CPSF1: variants seen among roughly 807,000 people sequenced by gnomAD.
CPSF1 encodes the protein cleavage and polyadenylation specific factor 1, also known as cleavage and polyadenylation specificity factor subunit 1.
Under a neutral mutation model 175.8 loss-of-function variants are expected in CPSF1, and 106 were observed. The ratio of observed to expected loss-of-function variants is 0.60; its 90% CI spans 0.52 to 0.71. The LOEUF (loss-of-function observed/expected upper bound fraction) is 0.71, where lower values mean the gene tolerates loss of function less well. Among genes scored for constraint, CPSF1 ranks in the 30% least tolerant of loss-of-function variants. CPSF1 has a pLI of 0.00. For synonymous variants in CPSF1, 1,024 were observed against 858.3 expected (o/e 1.19, Z -3.37); for missense variants, 1,734 against 2,022.9 (o/e 0.86, Z 2.74).
chr8:144,396,310 G>C, intron 26 of CPSF1, 38 bp downstream of exon 26: 1 of 1,558,090 alleles, frequency 6.4e-7, no homozygotes. Flanking sequence ...AGCTGGGGCA[G>C]CATCAGCCAG....
chr8:144,405,051 A>G (rs1821420509), intron 2 of CPSF1, among the ~76,000 whole-genome samples: 1 of 104,338 alleles, frequency 9.6e-6, no homozygotes, highest in African/African-American at 3.8e-5. Context: ...TCTAAAAAAA[A>G]AAAGAGAAAG....
chr8:144,396,314 C>T, intron 26 of CPSF1, 34 bp downstream of exon 26: 2 of 1,562,208 alleles, frequency 1.3e-6, no homozygotes, highest in Non-Finnish European at 1.7e-6. Flanking sequence ...GGGGCAGCAT[C>T]AGCCAGTGCT....
chr8:144,407,682 C>T (rs782180948), intron 2 of CPSF1, among the ~76,000 whole-genome samples: 1 of 151,954 alleles, frequency 6.6e-6, no homozygotes, highest in Admixed American at 6.6e-5. Flanking sequence ...CTGAGTGACA[C>T]AGCAAGACTC....
Position 144,399,417 on chromosome 8 carries a change from G to A in CPSF1, c.1294+35C>T, listed in dbSNP as rs2116862385. ...CTTGAGCGCAGCCCTGGGTCACCTG[G>A]CCCCGCTCCTGACCAGCCCTGGACC... On this transcript the variant is annotated intron_variant, in intron 13 of 37. Coordinates refer to ENST00000616140, the MANE Select transcript of CPSF1 (RefSeq NM_013291.3). This position sits in a 1 kb window ranked among gnomAD's most constrained non-coding sequence, Gnocchi z 6.4. 3.7e-6 allele frequency: 6 copies of A among 1,612,774 alleles called. No homozygotes were observed. The highest frequency in any genetic ancestry group is 2.2e-5 in the South Asian group (2 of 91,036).
At chr8:144,400,135 G>GGGGGGGCCCCCCCCCCCCCCCCC in intron 9 of CPSF1, 31 bp downstream of exon 9, 12 of 895,980 alleles carry the variant, frequency 1.3e-5, no homozygotes, top group Non-Finnish European at 1.8e-5. Flanking sequence ...CCGTCCCCGG[G>GGGGGGGCCCCCCCCCCCCCCCCC]CCCCCCCCGC....
In CPSF1 at chr8:144,393,335, C is replaced by T. The variant is rs1554861915; in HGVS notation, c.4315G>A (p.Val1439Ile). 8.7e-6 allele frequency: 13 copies of T among 1,493,774 alleles called. No homozygotes were observed. The highest frequency in any genetic ancestry group is 8.0e-5 in the South Asian group (6 of 75,172). The allele number at this position is 1,493,774 out of a possible 1,614,324, so 92.5% of individuals were successfully genotyped here. Residue 1439 changes from valine (V) to isoleucine (I), a missense_variant, in exon 38 of 38, where the codon GTC becomes ATC. Around this residue, in one of 10 missense-constraint regions of CPSF1, gnomAD observed 323 missense variants for 338.5 expected, o/e 0.95. Transcript: ENST00000616140. ...ILDDLLETDR[V>I]TAHF ...CCACGGGGCTAGAAGTGGGCGGTGA[C>T]GCGGTCCGTCTCCAGCAAGTCGTCC...
Position 144,400,293 on chromosome 8 carries a change from G to A in CPSF1, c.827-17C>T. 1 of 1,608,908 alleles carries A rather than the reference G, an allele frequency of 6.2e-7. No individual in the cohort carries two copies. The highest frequency in any genetic ancestry group is 1.1e-5 in the South Asian group (1 of 91,000). On this transcript the variant is annotated splice_polypyrimidine_tract_variant and intron_variant, in intron 8 of 37. Transcript: ENST00000616140. ...CCACCCCACCTGGAGGTGGACACAG[G>A]CTGGTGGGCAGGCTCAGTGCTCTCT...
Position 144,395,326 on chromosome 8 carries a change from CGTGTTG to C in CPSF1, c.3120_3125del (p.Asn1041_Thr1042del), listed in dbSNP as rs1329316720. 6.2e-7 allele frequency: 1 copy of C among 1,612,404 alleles called. No homozygotes were observed. The highest frequency in any genetic ancestry group is 8.5e-7 in the Non-Finnish European group (1 of 1,179,800). On this transcript the variant is annotated inframe_deletion, in exon 28 of 38. Transcript: ENST00000616140. ...TCATGCGTGGGATGCGGGCACACGG[CGTGTTG>C]GTGCTGGTGGCCACAGCATACACCT...
chr8:144,400,652 G>T lies in CPSF1; in HGVS notation c.686+19C>A. ...GCTAGGGGGCCCACAGTGCAGAGGG[G>T]CCTCCTTAGGGGGCTCACCCAGGCC... On this transcript the variant is annotated intron_variant, in intron 7 of 37. Transcript: ENST00000616140. 1 of 1,600,702 alleles carries T rather than the reference G, an allele frequency of 6.2e-7. No individual in the cohort carries two copies. Among genetic ancestry groups the T allele is most frequent in the African/African-American group, 1.3e-5 (1 of 74,924 alleles).
At chr8:144,401,400 C>T (rs2116884243) in intron 4 of CPSF1, 30 bp downstream of exon 4, 6 of 1,613,244 alleles carry the variant, frequency 3.7e-6, no homozygotes, top group Non-Finnish European at 2.5e-6. Flanking sequence ...ACGCCTTGGC[C>T]AGGCCTACCC....
rs2116877634 is a variant in CPSF1, at chr8:144,400,718, G to A, written c.639C>T (p.Tyr213=). The change falls in exon 7 of 38, where the codon TAC becomes TAT. Residue 213 remains tyrosine (Y), a synonymous_variant. Transcript: ENST00000616140. ...CAAACAGGATGAGGAGGGTAGGCTC[G>A]TAGTAGCCATGCAGGAACTGCAGGT... ...IIDLQFLHGY[Y]EPTLLILFEP... 5.3e-5 allele frequency: 85 copies of A among 1,612,682 alleles called. 1 individual carries two copies. The highest frequency in any genetic ancestry group is 3.0e-4 in the South Asian group (27 of 90,770).
Position 144,398,812 on chromosome 8 carries a change from CAT to C in CPSF1, c.1603_1604del (p.Met535ValfsTer9), listed in dbSNP as rs2116855274. On this transcript the variant is annotated frameshift_variant, in exon 17 of 38. Coordinates refer to ENST00000616140, the MANE Select transcript of CPSF1 (RefSeq NM_013291.3). LOFTEE classifies it high-confidence loss of function. The part of the protein sequence containing the change: ...TTFELPGCYD[M>X]WTVIAPVRKE... ...TACGCACCGGGGCGATGACTGTCCA[CAT>C]GTCATAGCAGCCGGGAAGCTCAAAG... 1.7e-5 allele frequency: 27 copies of C among 1,607,714 alleles called. No homozygotes were observed. The highest frequency in any genetic ancestry group is 2.2e-5 in the East Asian group (1 of 44,688).
In CPSF1 at chr8:144,395,371, G is replaced by A. The variant is rs782350980; in HGVS notation, c.3097-16C>T. On this transcript the variant is annotated splice_polypyrimidine_tract_variant and intron_variant, in intron 27 of 37. Coordinates refer to ENST00000616140, the MANE Select transcript of CPSF1 (RefSeq NM_013291.3). ...CAGCATACACCTGTGGGTTAGTGAG[G>A]GTCACACACCAGTGGCCCGGCCAGG... The A allele has an allele frequency of 1.4e-5, 23 of 1,613,138 alleles. No homozygotes were observed. Among genetic ancestry groups the A allele is most frequent in the Non-Finnish European group, 1.9e-5 (23 of 1,179,828 alleles).
chr8:144,402,306 G>GT (rs1174066473), intron 2 of CPSF1, among the ~76,000 whole-genome samples: 7 of 150,582 alleles, frequency 4.6e-5, no homozygotes, highest in Middle Eastern at 6.8e-3. Context: ...GTTTTTTTTT[G>GT]TTTTTTGTTT....
rs1378518271 is a variant in CPSF1, at chr8:144,399,105, G to T, written c.1467+23C>A. The T allele has an allele frequency of 1.0e-5, 13 of 1,272,446 alleles. No homozygotes were observed. The highest frequency in any genetic ancestry group is 3.0e-5 in the African/African-American group (2 of 66,692). 78.8% of individuals were successfully genotyped at this position (1,272,446 alleles called of 1,614,324 possible). A position where few individuals can be genotyped will look rare whatever the true frequency, so the allele number is the denominator to read the frequency against. ...CCTCACACTCCAGCCCCTGCCCCCA[G>T]CCCCGACCCCAACCCTGGGCACCTC... On this transcript the variant is annotated intron_variant, in intron 15 of 37. Coordinates refer to ENST00000616140, the MANE Select transcript of CPSF1 (RefSeq NM_013291.3). The surrounding 1 kb of genome is among the most constrained non-coding windows in gnomAD (Gnocchi z 6.4).
At chr8:144,400,135 G>GGGGGGGGGCCCCCCCC in intron 9 of CPSF1, 31 bp downstream of exon 9, 4 of 896,008 alleles carry the variant, frequency 4.5e-6, no homozygotes, top group Non-Finnish European at 6.4e-6. Context: ...CCGTCCCCGG[G>GGGGGGGGGCCCCCCCC]CCCCCCCCGC....
At chr8:144,404,310 A>G (rs1821377222) in intron 2 of CPSF1, among the ~76,000 whole-genome samples, 1 of 152,162 alleles carries the variant, frequency 6.6e-6, no homozygotes, top group African/African-American at 2.4e-5. Context: ...TAAGGTCAAT[A>G]TACAGAGATC....
At chr8:144,406,255 C>T (rs1202561804) in intron 2 of CPSF1, among the ~76,000 whole-genome samples, 1 of 152,242 alleles carries the variant, frequency 6.6e-6, no homozygotes, top group Non-Finnish European at 1.5e-5. Flanking sequence ...CCAGAGTTGT[C>T]TGTGTTCACT....
chr8:144,406,744 G>A (rs1554869179), intron 2 of CPSF1, among the ~76,000 whole-genome samples: 1 of 152,206 alleles, frequency 6.6e-6, no homozygotes, highest in African/African-American at 2.4e-5. Flanking sequence ...AACGCTTCCT[G>A]CTCTGCACTG....
Sources: allele counts gnomAD v4.1 joint callset (sites outside exome capture counted in the v4.1 genomes callset), GRCh38; gene constraint gnomAD v4.1.1; regional missense constraint gnomAD v4.1.1; non-coding constraint Gnocchi (gnomAD v3.1); transcripts MANE v1.5; gene names NCBI Gene and HGNC (gene_info 2026-07-23, HGNC 2026-07-21).